PLXNA3: variants seen among roughly 807,000 people sequenced by gnomAD.
The protein encoded by PLXNA3 is plexin A3.
Under a neutral mutation model 118.8 loss-of-function variants are expected in PLXNA3, and 52 were observed. The observed-to-expected ratio is 0.44, with a 90% CI of 0.35 to 0.55. The LOEUF is 0.55. Among genes scored for constraint, PLXNA3 ranks in the 20% least tolerant of loss-of-function variants. PLXNA3 has a pLI of 0.01. For synonymous variants in PLXNA3, 925 were observed against 762.4 expected, an observed-to-expected ratio of 1.21 and a Z score of -3.51; for missense variants, 1,660 against 1,730.8, an observed-to-expected ratio of 0.96 and a Z score of 0.73.
At chrX:154,471,787 C>A in intron 32 of PLXNA3, 149 bp downstream of exon 32, 1 of 510,467 alleles carries the variant, frequency 2.0e-6, no homozygotes, top group Non-Finnish European at 3.1e-6. Flanking sequence ...TCTCTGGGAT[C>A]ACAGGTAGAT....
chrX:154,464,293 G>C lies in PLXNA3; in HGVS notation c.1808G>C (p.Arg603Pro). 4 of 1,208,000 alleles carry C rather than the reference G, an allele frequency of 3.3e-6. No individual in the cohort carries two copies. The highest frequency in any genetic ancestry group is 4.5e-6 in the Non-Finnish European group (4 of 894,760). The change falls in exon 8 of 33, where the codon CGA (arginine) becomes CCA (proline). Residue 603 changes from arginine (R) to proline (P), a missense_variant. This residue lies in a region of PLXNA3 where 791 missense variants were observed against 652.1 expected (regional missense o/e 1.21). Coordinates refer to ENST00000369682, the MANE Select transcript of PLXNA3 (RefSeq NM_017514.5). Reference sequence around the variant, plus strand: ...CCCTCACCCTCCCTCCAGGAGCTCCGAGCTCTTACCAGGGGGCATGGTCAG... The same window carrying C: ...CCCTCACCCTCCCTCCAGGAGCTCCCAGCTCTTACCAGGGGGCATGGTCAG... ...LCPSPSLQEL[R>P]ALTRGHGATR...
chrX:154,472,339 ACGGC>A (rs1435833679), intron 32 of PLXNA3, among the ~76,000 whole-genome samples: 1 of 110,428 alleles, frequency 9.1e-6, no homozygotes, highest in African/African-American at 3.3e-5. Flanking sequence ...GGAATCCAGC[ACGGC>A]GAGTCCAGAG....
intron 1 of PLXNA3, among the ~76,000 whole-genome samples, chrX:154,459,751 C>G (rs1270580742): frequency 8.9e-6 from 1 of 112,854 alleles, no homozygotes; most frequent in Non-Finnish European, 1.9e-5. Context: ...GTTCCTGGCC[C>G]TGCCCCTCTC....
Position 154,465,509 on chromosome X carries a change from C to T in PLXNA3, c.2330C>T (p.Pro777Leu), listed in dbSNP as rs782810441. 1 of 1,205,034 alleles carries T rather than the reference C, an allele frequency of 8.3e-7. No homozygotes were observed. Among genetic ancestry groups the T allele is most frequent in the Non-Finnish European group, 1.1e-6 (1 of 889,470 alleles). The change falls in exon 12 of 33, where the codon CCC becomes CTC. Residue 777 changes from proline (P) to leucine (L), a missense_variant. Pro to Leu is a moderately conservative substitution (Grantham distance 98). This residue lies in a region of PLXNA3 where 869 missense variants were observed against 1,078.7 expected (regional missense o/e 0.81). Transcript: ENST00000369682. ...WDGDFPIDKP[P>L]SFRALLYKCW... ...GGAGACTTCCCCATAGACAAGCCTC[C>T]CAGCTTCCGAGGTGAAGGCATGGGC... is the stretch of plus-strand genomic sequence containing the variant.
At chrX:154,469,920 G>T in intron 28 of PLXNA3, 57 bp from the exon 29 acceptor site, 2 of 1,169,916 alleles carry the variant, frequency 1.7e-6, no homozygotes, top group Non-Finnish European at 2.3e-6. Context: ...GAGCTCCCGG[G>T]AGAGTGGGGC....
intron 3 of PLXNA3, 126 bp downstream of exon 3, chrX:154,461,764 TC>T: frequency 1.5e-6 from 1 of 666,043 alleles, no homozygotes; most frequent in Non-Finnish European, 2.2e-6. Context: ...ACCTTTGCCC[TC>T]CCACCTGTTT....
In PLXNA3 at chrX:154,462,197, G is replaced by A. The variant is rs200444772; in HGVS notation, c.1204G>A (p.Glu402Lys). 197 of 1,203,649 alleles carry A rather than the reference G, an allele frequency of 1.6e-4. No homozygotes were observed. Among genetic ancestry groups the A allele is most frequent in the Middle Eastern group, 2.3e-4 (1 of 4,311 alleles). Residue 402 changes from glutamate to lysine, a missense_variant, in exon 4 of 33, where the codon GAG becomes AAG. Physicochemically the swap from Glu to Lys is moderately conservative, Grantham distance 56. Around this residue, in one of 2 missense-constraint regions of PLXNA3, gnomAD observed 791 missense variants for 652.1 expected, o/e 1.21. Coordinates refer to ENST00000369682, the MANE Select transcript of PLXNA3 (RefSeq NM_017514.5). ...NQPLGGLHVI[E>K]GLPLLADSTD... The stretch of plus-strand genomic sequence containing the variant: ...GCCTCTGGGAGGCCTGCATGTGATC[G>A]AGGGGCTGCCCCTGCTGGCCGACAG...
chrX:154,461,006 C>A, intron 2 of PLXNA3, 93 bp from the exon 3 acceptor site: 1 of 847,552 alleles, frequency 1.2e-6, no homozygotes. Flanking sequence ...TGTGATCATC[C>A]AGGCGGGAGG....
rs969280972 is a variant in PLXNA3 at position 154,464,142 on chromosome X, C to T, written c.1672-15C>T. On this transcript the variant is annotated splice_polypyrimidine_tract_variant and intron_variant, in intron 7 of 32. Transcript: ENST00000369682. The stretch of plus-strand genomic sequence containing the variant: ...CTGGGAGTCCGCCCTGCCCTGAGCC[C>T]TCTGCTTCCCCCAGCTGACCGTCAC... 6.6e-6 allele frequency: 8 copies of T among 1,207,821 alleles called. No individual in the cohort carries two copies. The highest frequency in any genetic ancestry group is 9.0e-6 in the Non-Finnish European group (8 of 893,201).
rs928656551 is a variant in PLXNA3, at chrX:154,473,623, T to G, written c.*938T>G. The G allele has an allele frequency of 8.0e-5, 9 of 112,674 alleles. No homozygotes were observed. Among genetic ancestry groups the G allele is most frequent in the African/African-American group, 2.9e-4 (9 of 30,976 alleles). 9.3% of individuals were successfully genotyped at this position (112,674 alleles called of 1,213,427 possible). A position where few individuals can be genotyped will look rare whatever the true frequency, so the allele number is the denominator to read the frequency against. ...TGTTCATGGAATGTTTTTTCCTGAT[T>G]AAATGTTGGGGAAATGCCATCCATG... On this transcript the variant is annotated 3_prime_UTR_variant, in exon 33 of 33. Coordinates refer to ENST00000369682, the MANE Select transcript of PLXNA3 (RefSeq NM_017514.5).
At position 154,462,269 on chromosome X, in the gene PLXNA3, T is replaced by C; in HGVS notation, c.1276T>C (p.Ser426Pro). 1 of 1,174,141 alleles carries C rather than the reference T, an allele frequency of 8.5e-7. No homozygotes were observed. Among genetic ancestry groups the C allele is most frequent in the Non-Finnish European group, 1.1e-6 (1 of 876,095 alleles). ...SVAAYTYRQH[S>P]VVFIGTRSGS... ...GGCCGCCTACACCTACCGCCAGCAC[T>C]CTGTGGTCTTCATTGGCACGCGCAG... The change falls in exon 4 of 33, where the codon TCT (serine) becomes CCT (proline). Residue 426 changes from serine (S) to proline (P), a missense_variant. By Grantham distance (74) the Ser-to-Pro change is moderately conservative. Transcript: ENST00000369682.
chrX:154,465,513 C>T lies in PLXNA3; in HGVS notation c.2334C>T (p.Ser778=). Residue 778 remains serine, a synonymous_variant, in exon 12 of 33, where the codon AGC becomes AGT. Coordinates refer to ENST00000369682, the MANE Select transcript of PLXNA3 (RefSeq NM_017514.5). The part of the protein sequence containing the change: ...DGDFPIDKPP[S]FRALLYKCWA... ...ACTTCCCCATAGACAAGCCTCCCAG[C>T]TTCCGAGGTGAAGGCATGGGCCAGG... is the stretch of plus-strand genomic sequence containing the variant. 8 of 1,202,961 alleles carry T rather than the reference C, an allele frequency of 6.7e-6. No homozygotes were observed. Among genetic ancestry groups the T allele is most frequent in the Non-Finnish European group, 9.0e-6 (8 of 887,487 alleles).
rs782795929 is a variant in PLXNA3, at chrX:154,459,350, CT to C, written c.-27-806del. ...GCCAGTCCCAGCACTGTCCCTGTGGCTCCTGCCCTGTCTCTCCAAGGCCTTG... is the reference window on the plus strand; with the variant it reads ...GCCAGTCCCAGCACTGTCCCTGTGGCCCTGCCCTGTCTCTCCAAGGCCTTG... On this transcript the variant is annotated intron_variant, in intron 1 of 32. Coordinates refer to ENST00000369682, the MANE Select transcript of PLXNA3 (RefSeq NM_017514.5). Among the ~76,000 whole-genome samples the C allele has an allele frequency of 5.3e-4, 59 of 111,796 alleles. 1 individual carries two copies. The South Asian group carries it at 0.021, about 41-fold the overall frequency.
intron 8 of PLXNA3, 37 bp from the exon 9 acceptor site, chrX:154,464,365 C>T (rs1024675370): frequency 5.2e-5 from 63 of 1,201,158 alleles, no homozygotes; most frequent in Non-Finnish European, 6.7e-5. Context: ...CTCTCCCTAC[C>T]CCCAGCGAGT....
At chrX:154,465,621 T>C in intron 12 of PLXNA3, 36 bp from the exon 13 acceptor site, 1 of 1,195,899 alleles carries the variant, frequency 8.4e-7, no homozygotes, top group Non-Finnish European at 1.1e-6. Context: ...TTTCTGCCAC[T>C]GCCTGCTCCG....
At chrX:154,472,260 T>TCA (rs1448219859) in intron 32 of PLXNA3, among the ~76,000 whole-genome samples, 3 of 110,676 alleles carry the variant, frequency 2.7e-5, no homozygotes, top group East Asian at 5.7e-4. Flanking sequence ...TGCAGAACAC[T>TCA]CACTGGGTCT....
chrX:154,462,554 G>T (rs953331128), intron 4 of PLXNA3, among the ~76,000 whole-genome samples: 1 of 112,254 alleles, frequency 8.9e-6, no homozygotes, highest in African/African-American at 3.2e-5. Flanking sequence ...TATGGCTCTG[G>T]GGACAGAGAA....
In PLXNA3 at chrX:154,470,094, C is replaced by T. The variant is rs1557208894; in HGVS notation, c.4913C>T (p.Ala1638Val). 1 of 1,211,326 alleles carries T rather than the reference C, an allele frequency of 8.3e-7. No homozygotes were observed. Among genetic ancestry groups the T allele is most frequent in the Non-Finnish European group, 1.1e-6 (1 of 895,363 alleles). ...LWHLVKNHDH[A>V]DHREGDRGSK... ...CACCTGGTGAAAAACCACGACCATG[C>T]CGACCATCGCGAGGGGGACCGTGGC... Residue 1638 changes from alanine to valine, a missense_variant, in exon 29 of 33, where the codon GCC (alanine) becomes GTC (valine). This residue lies in a region of PLXNA3 where 869 missense variants were observed against 1,078.7 expected (regional missense o/e 0.81). Coordinates refer to ENST00000369682, the MANE Select transcript of PLXNA3 (RefSeq NM_017514.5).
Position 154,460,205 on chromosome X carries a change from C to T in PLXNA3, c.22C>T (p.Leu8=), listed in dbSNP as rs1269641849. 8 of 1,206,295 alleles carry T rather than the reference C, an allele frequency of 6.6e-6. No individual in the cohort carries two copies. Among genetic ancestry groups the T allele is most frequent in the Non-Finnish European group, 9.0e-6 (8 of 892,764 alleles). The change falls in exon 2 of 33, where the codon CTG becomes TTG. Residue 8 remains leucine (L), a synonymous_variant. Transcript: ENST00000369682. Reference sequence around the variant, plus strand: ...GGCCATGCCCTCTGTCTGCCTCCTCCTGCTGCTCTTCCTTGCCGTGGGGGG... The same window carrying T: ...GGCCATGCCCTCTGTCTGCCTCCTCTTGCTGCTCTTCCTTGCCGTGGGGGG... The part of the protein sequence containing the change: MPSVCLL[L]LLFLAVGGAL...
Sources: gnomAD v4.1 joint callset for allele counts (sites outside exome capture counted in the v4.1 genomes callset) on GRCh38, gnomAD v4.1.1 for gene constraint, gnomAD v4.1.1 regional missense constraint, MANE v1.5 for transcripts, NCBI Gene and HGNC (gene_info 2026-07-23, HGNC 2026-07-21) for gene names.